The following AXDND1 variants were observed in gnomAD, a reference collection of about 807,000 sequenced individuals.
AXDND1 encodes axonemal dynein light chain domain containing 1.
Under a neutral mutation model 137.5 loss-of-function variants are expected in AXDND1, and 110 were observed. The observed-to-expected ratio is 0.80, with a 90% confidence interval of 0.69 to 0.94. The LOEUF (loss-of-function observed/expected upper bound fraction) is 0.94. Among genes scored for constraint, AXDND1 ranks in the 40% least tolerant of loss-of-function variants. AXDND1 has a pLI of 0.00. For missense variants in AXDND1, 1,191 were observed against 1,169.8 expected (o/e 1.02, Z -0.26); for synonymous variants, 414 against 399.7 (o/e 1.04, Z -0.43).
intron 16 of AXDND1, among the ~76,000 whole-genome samples, chr1:179,460,912 T>G (rs1012997053): frequency 1.3e-5 from 2 of 152,212 alleles, no homozygotes; most frequent in African/African-American, 2.4e-5. Flanking sequence ...GTTTTTTTCT[T>G]GTAAATTTGT....
intron 16 of AXDND1, among the ~76,000 whole-genome samples, chr1:179,467,408 A>T (rs552004990): frequency 1.5e-3 from 235 of 152,194 alleles, no homozygotes; most frequent in Non-Finnish European, 2.9e-3. Flanking sequence ...AAAAATACTT[A>T]AAAAAAATTA....
rs188384583 is a variant in AXDND1 at position 179,501,402 on chromosome 1, A to G, written c.2389-7894A>G. Among the ~76,000 whole-genome samples, 173 of 152,348 alleles carry G rather than the reference A, an allele frequency of 1.1e-3. 1 individual carries two copies. Among genetic ancestry groups the G allele is most frequent in the African/African-American group, 3.9e-3 (161 of 41,598 alleles). On this transcript the variant is annotated intron_variant, in intron 20 of 25. Transcript: ENST00000367618. ...GGCATACAGAATTAATGAGGAAATGATGAACTTTCCAATTAAAAATACTAG... is the reference window on the plus strand; with the variant it reads ...GGCATACAGAATTAATGAGGAAATGGTGAACTTTCCAATTAAAAATACTAG...
chr1:179,463,812 G>T (rs556547249), intron 16 of AXDND1, among the ~76,000 whole-genome samples: 1 of 152,220 alleles, frequency 6.6e-6, no homozygotes, highest in East Asian at 1.9e-4. Flanking sequence ...CCTGTATTGG[G>T]TGCATATATA....
Position 179,552,600 on chromosome 1 carries a change from C to T in AXDND1, c.3032-1912C>T, listed in dbSNP as rs777830598. The stretch of plus-strand genomic sequence containing the variant: ...AGTCTGGGTGGGAGGATGGAGTGCT[C>T]ACCCGCACTTTGGCTTGTCTTTGCG... On this transcript the variant is annotated intron_variant, in intron 25 of 25. Coordinates refer to ENST00000367618, the MANE Select transcript of AXDND1 (RefSeq NM_144696.6). 3 of 1,612,266 alleles carry T rather than the reference C, an allele frequency of 1.9e-6. No homozygotes were observed. The South Asian group carries it at 3.3e-5, about 18-fold the overall frequency.
chr1:179,488,639 C>CTTTCTTTCTTTCTT (rs1553292179), intron 18 of AXDND1, among the ~76,000 whole-genome samples: 3,564 of 49,968 alleles, frequency 0.071, 416 homozygotes, highest in Non-Finnish European at 0.084. Context: ...TCTCTCCTTT[C>CTTTCTTTCTTTCTT]TTTCTTTCTT....
chr1:179,540,887 C>T (rs549506937), intron 25 of AXDND1, among the ~76,000 whole-genome samples: 1 of 152,200 alleles, frequency 6.6e-6, no homozygotes, highest in Non-Finnish European at 1.5e-5. Flanking sequence ...GCCCTGCCCA[C>T]AGAGGTGGAA....
At chr1:179,463,135 G>A (rs76366148) in intron 16 of AXDND1, among the ~76,000 whole-genome samples, 4 of 151,942 alleles carry the variant, frequency 2.6e-5, no homozygotes, top group Admixed American at 1.3e-4. Flanking sequence ...CTGCTCTGAT[G>A]TTAGTTATTT....
rs992945711 is a variant in AXDND1, at chr1:179,437,459, G to A, written c.1563+5117G>A. Among the ~76,000 whole-genome samples the A allele has an allele frequency of 1.4e-4, 21 of 152,160 alleles. 2 individuals are homozygous for A. Among genetic ancestry groups the A allele is most frequent in the Admixed American group, 1.4e-3 (21 of 15,274 alleles). ...TTCAGCAAACCTTTTGGTGGCAGGCGCAGTGTGAGTTTGCTCACATCCTGC... is the reference window on the plus strand; with the variant it reads ...TTCAGCAAACCTTTTGGTGGCAGGCACAGTGTGAGTTTGCTCACATCCTGC... On this transcript the variant is annotated intron_variant, in intron 15 of 25. Transcript: ENST00000367618.
In AXDND1 at chr1:179,488,014, A is replaced by AAAAAAAAAAAAG. The variant is rs1320560418; in HGVS notation, c.2092-3523_2092-3522insAAAAAAAAAAGA. 2.3e-5 allele frequency among the ~76,000 whole-genome samples: 3 copies of AAAAAAAAAAAAG among 130,224 alleles called. 1 individual carries two copies. Among genetic ancestry groups the AAAAAAAAAAAAG allele is most frequent in the South Asian group, 2.3e-4 (1 of 4,398 alleles). 85.4% of individuals were successfully genotyped at this position (130,224 alleles called of 152,430 possible). ...ATGTCTCAAAAAAAAAAAAAAAAAA[A>AAAAAAAAAAAAG]AGAGAAATTTCAATTCCGTCAATCA... On this transcript the variant is annotated intron_variant, in intron 18 of 25. Transcript: ENST00000367618.
intron 17 of AXDND1, among the ~76,000 whole-genome samples, chr1:179,480,636 G>T (rs2125531309): frequency 6.6e-6 from 1 of 152,306 alleles, no homozygotes; most frequent in Admixed American, 6.5e-5. Context: ...TTCTTATCAT[G>T]CCTTGTAAGG....
chr1:179,440,386 A>C (rs1231265520), intron 15 of AXDND1, among the ~76,000 whole-genome samples: 1 of 152,270 alleles, frequency 6.6e-6, no homozygotes, highest in Non-Finnish European at 1.5e-5. Flanking sequence ...GCATATGAGA[A>C]TAAGTGTCTA....
At chr1:179,366,656 A>G (rs1667442579) in intron 2 of AXDND1, 50 bp downstream of exon 2, 1 of 1,474,356 alleles carries the variant, frequency 6.8e-7, no homozygotes, top group Non-Finnish European at 9.5e-7. Flanking sequence ...CGTAAGACAG[A>G]AATCACCTTC....
chr1:179,494,412 C>T (rs1667241208), intron 20 of AXDND1, among the ~76,000 whole-genome samples: 1 of 151,988 alleles, frequency 6.6e-6, no homozygotes, highest in Admixed American at 6.6e-5. Context: ...CTGTTCAAAT[C>T]TTTGACCCGT....
At chr1:179,421,137 A>C (rs1368415053) in intron 12 of AXDND1, among the ~76,000 whole-genome samples, 2 of 141,790 alleles carry the variant, frequency 1.4e-5, no homozygotes, top group Non-Finnish European at 3.0e-5. Flanking sequence ...ATATGCATGA[A>C]TTTATATCCA....
At chr1:179,479,898 A>G (rs1665146191) in intron 17 of AXDND1, among the ~76,000 whole-genome samples, 1 of 152,252 alleles carries the variant, frequency 6.6e-6, no homozygotes, top group Admixed American at 6.5e-5. Flanking sequence ...CTTTGCTTAA[A>G]TATAACAAGA....
chr1:179,459,979 CTTTCTTTCT>C (rs1174972393), intron 16 of AXDND1, among the ~76,000 whole-genome samples: 3 of 105,654 alleles, frequency 2.8e-5, no homozygotes, highest in Non-Finnish European at 5.8e-5. Flanking sequence ...CTTTCTTTTT[CTTTCTTTCT>C]TTCCTTCCTT....
At chr1:179,489,688 T>A (rs559993881) in intron 18 of AXDND1, among the ~76,000 whole-genome samples, 66 of 152,036 alleles carry the variant, frequency 4.3e-4, no homozygotes, top group African/African-American at 1.4e-3. Flanking sequence ...AACCTTCCTG[T>A]CTGAATCAAG....
intron 16 of AXDND1, chr1:179,456,677 G>A (rs1661455010): frequency 2.5e-6 from 2 of 806,922 alleles, no homozygotes; most frequent in African/African-American, 3.3e-5. Context: ...GACCACTGAA[G>A]TTTCCTCCGT....
intron 25 of AXDND1, among the ~76,000 whole-genome samples, chr1:179,537,328 C>A (rs1270681203): frequency 6.6e-6 from 1 of 152,172 alleles, no homozygotes; most frequent in Non-Finnish European, 1.5e-5. Context: ...ATGATATTGG[C>A]TGTGGGTTTG....
Sources: gnomAD v4.1 joint callset for allele counts (sites outside exome capture counted in the v4.1 genomes callset) on GRCh38, gnomAD v4.1.1 for gene constraint, MANE v1.5 for transcripts, NCBI Gene and HGNC (gene_info 2026-07-23, HGNC 2026-07-21) for gene names.